Variants in CYP7B1 observed in about 807,000 individuals in gnomAD.
CYP7B1 encodes cytochrome P450 family 7 subfamily B member 1, also known as cytochrome P450 7B1.
In CYP7B1, 29 loss-of-function variants were observed where a neutral mutation model predicts 42.7. The observed-to-expected ratio is 0.68, with a 90% CI of 0.51 to 0.93. CYP7B1 has a LOEUF of 0.93. Ranked by LOEUF, CYP7B1 falls within the 40% of genes least tolerant of loss-of-function variation. The pLI, the probability that CYP7B1 is intolerant of heterozygous loss-of-function variation, is 0.00. For synonymous variants in CYP7B1, 235 were observed against 218.2 expected (o/e 1.08, Z -0.68); for missense variants, 655 against 600.5 (o/e 1.09, Z -0.95).
chr8:64,707,208 T>A (rs1018649744), intron 1 of CYP7B1, among the ~76,000 whole-genome samples: 6 of 152,072 alleles, frequency 3.9e-5, no homozygotes, highest in African/African-American at 1.4e-4. Context: ...AGTTTGAAGG[T>A]ACCTAGAGGC....
chr8:64,666,300 G>A (rs1806278894), intron 1 of CYP7B1, among the ~76,000 whole-genome samples: 1 of 152,066 alleles, frequency 6.6e-6, no homozygotes, highest in Non-Finnish European at 1.5e-5. Flanking sequence ...CACTGTCCTT[G>A]GCATTATGGA....
intron 1 of CYP7B1, among the ~76,000 whole-genome samples, chr8:64,648,416 G>A (rs1805986831): frequency 6.6e-6 from 1 of 152,110 alleles, no homozygotes; most frequent in African/African-American, 2.4e-5. Context: ...TACCTGTCCT[G>A]GCCACACATA....
At chr8:64,643,188 T>TATAC (rs1554527681) in intron 1 of CYP7B1, among the ~76,000 whole-genome samples, 4 of 142,162 alleles carry the variant, frequency 2.8e-5, no homozygotes, top group Non-Finnish European at 1.5e-5. Context: ...TATACATATA[T>TATAC]ATATACACAC....
In CYP7B1 at chr8:64,614,892, T is replaced by A. The variant is rs777409200; in HGVS notation, c.1057+134A>T. The A allele has an allele frequency of 3.7e-6, 3 of 803,490 alleles. No individual in the cohort carries two copies. In the East Asian group the frequency reaches 7.9e-5, roughly 21 times the overall value. The allele number at this position is 803,490 out of a possible 1,614,324, so 49.8% of individuals were successfully genotyped here. On this transcript the variant is annotated intron_variant, in intron 4 of 5. Coordinates refer to ENST00000310193, the MANE Select transcript of CYP7B1 (RefSeq NM_004820.5). ...CTACGGCTATAAACTACATAATTTA[T>A]AATTGATGTAAATGGGTGTTATTAT...
chr8:64,671,018 A>G (rs1187851247), intron 1 of CYP7B1, among the ~76,000 whole-genome samples: 2 of 152,192 alleles, frequency 1.3e-5, no homozygotes, highest in African/African-American at 4.8e-5. Flanking sequence ...ATAGCTTGTA[A>G]GGTCTATGTA....
rs781573097 is a variant in CYP7B1 at position 64,615,778 on chromosome 8, C to T, written c.763G>A (p.Ala255Thr). 6.2e-7 allele frequency: 1 copy of T among 1,613,718 alleles called. No individual in the cohort carries two copies. The highest frequency in any genetic ancestry group is 1.1e-5 in the South Asian group (1 of 91,066). Residue 255 changes from alanine to threonine, a missense_variant, in exon 3 of 6, where the codon GCC (alanine) becomes ACC (threonine). Ala to Thr is a moderately conservative substitution (Grantham distance 58). Coordinates refer to ENST00000310193, the MANE Select transcript of CYP7B1 (RefSeq NM_004820.5). Reference sequence around the variant, plus strand: ...ACTTCTGACCATCCTTGCATCTTGGCTAACTTTTCTGATGAGAAGCATTTT... The same window carrying T: ...ACTTCTGACCATCCTTGCATCTTGGTTAACTTTTCTGATGAGAAGCATTTT... ...IIKCFSSEKL[A>T]KMQGWSEVFQ... is the part of the protein sequence containing the mutation.
chr8:64,659,443 T>G (rs1806169213), intron 1 of CYP7B1, among the ~76,000 whole-genome samples: 1 of 152,180 alleles, frequency 6.6e-6, no homozygotes, highest in African/African-American at 2.4e-5. Flanking sequence ...ATTCTTGCAG[T>G]GATTTAAGTG....
intron 4 of CYP7B1, among the ~76,000 whole-genome samples, chr8:64,607,339 T>A (rs1805297105): frequency 6.6e-6 from 1 of 151,632 alleles, no homozygotes; most frequent in Non-Finnish European, 1.5e-5. Flanking sequence ...ATCTTCCCCC[T>A]TCTATCTTAA....
At chr8:64,766,742 G>A (rs1450749125) in intron 1 of CYP7B1, among the ~76,000 whole-genome samples, 2 of 152,164 alleles carry the variant, frequency 1.3e-5, no homozygotes, top group Non-Finnish European at 2.9e-5. Flanking sequence ...CCCAGGGAAC[G>A]AAGGTCCTCT....
intron 1 of CYP7B1, among the ~76,000 whole-genome samples, chr8:64,775,808 T>C (rs1804315508): frequency 6.6e-6 from 1 of 152,082 alleles, no homozygotes; most frequent in African/African-American, 2.4e-5. Context: ...CATGGTGTGT[T>C]TGAGGACAGG....
chr8:64,664,493 C>T (rs1806246224), intron 1 of CYP7B1, among the ~76,000 whole-genome samples: 1 of 152,020 alleles, frequency 6.6e-6, no homozygotes, highest in Non-Finnish European at 1.5e-5. Context: ...GAGAGAGAAA[C>T]CAAGACTTAG....
intron 1 of CYP7B1, among the ~76,000 whole-genome samples, chr8:64,747,091 AAATT>A (rs546791683): frequency 1.7e-4 from 25 of 150,518 alleles, no homozygotes; most frequent in Non-Finnish European, 2.2e-4. Context: ...TGTGAATTAC[AAATT>A]AATTTTAAAT....
intron 1 of CYP7B1, among the ~76,000 whole-genome samples, chr8:64,792,672 C>T (rs1488066028): frequency 2.6e-5 from 4 of 152,110 alleles, no homozygotes; most frequent in Admixed American, 6.5e-5. Context: ...CTCTGTGACA[C>T]ACAGGGGAGG....
intron 1 of CYP7B1, among the ~76,000 whole-genome samples, chr8:64,791,060 A>C (rs1804608821): frequency 6.6e-6 from 1 of 152,160 alleles, no homozygotes; most frequent in African/African-American, 2.4e-5. Flanking sequence ...ATCACCAAAA[A>C]CTGGGCAAGA....
intron 1 of CYP7B1, among the ~76,000 whole-genome samples, chr8:64,738,645 G>T (rs1002918077): frequency 6.6e-6 from 1 of 152,194 alleles, no homozygotes; most frequent in African/African-American, 2.4e-5. Flanking sequence ...TATGTAAAGA[G>T]CTGGGAAGTC....
At chr8:64,606,263 C>A (rs150051165) in intron 4 of CYP7B1, among the ~76,000 whole-genome samples, 7 of 152,302 alleles carry the variant, frequency 4.6e-5, no homozygotes, top group Non-Finnish European at 8.8e-5. Flanking sequence ...GGCTCTACTG[C>A]AGATAGCCAC....
chr8:64,601,049 A>G (rs1805195330), intron 5 of CYP7B1, among the ~76,000 whole-genome samples: 1 of 152,208 alleles, frequency 6.6e-6, no homozygotes, highest in African/African-American at 2.4e-5. Context: ...CCATTTTGCA[A>G]TACAGATAAA....
intron 4 of CYP7B1, among the ~76,000 whole-genome samples, chr8:64,607,651 C>T (rs1161761045): frequency 6.6e-6 from 1 of 152,116 alleles, no homozygotes; most frequent in East Asian, 1.9e-4. Context: ...ACATGGTAGC[C>T]AAACAGCAAG....
At chr8:64,793,047 A>G (rs1585918169) in intron 1 of CYP7B1, among the ~76,000 whole-genome samples, 1 of 152,308 alleles carries the variant, frequency 6.6e-6, no homozygotes, top group South Asian at 2.1e-4. Context: ...GAAGCAAGAG[A>G]TTTGAATTTA....
Sources: gnomAD v4.1 joint callset for allele counts (sites outside exome capture counted in the v4.1 genomes callset) on GRCh38, gnomAD v4.1.1 for gene constraint, MANE v1.5 for transcripts, NCBI Gene and HGNC (gene_info 2026-07-23, HGNC 2026-07-21) for gene names.